PEX5L: variants seen among roughly 807,000 people sequenced by gnomAD.
PEX5L encodes the protein PEX5-related protein.
In PEX5L, 30 loss-of-function variants were observed where a neutral mutation model predicts 84.0. The observed-to-expected ratio is 0.36, with a 90% CI of 0.27 to 0.48. The LOEUF (loss-of-function observed/expected upper bound fraction) is 0.48, where lower values mean the gene tolerates loss of function less well. PEX5L is among the 20% of genes least tolerant of loss of function. The pLI is 0.99. For missense variants in PEX5L, 533 were observed against 754.6 expected (o/e 0.71, Z 3.44); for synonymous variants, 270 against 283.1 (o/e 0.95, Z 0.46).
chr3:179,890,070 G>A (rs1349103529), intron 3 of PEX5L, among the ~76,000 whole-genome samples: 2 of 152,122 alleles, frequency 1.3e-5, no homozygotes, highest in African/African-American at 4.8e-5. Context: ...ATATGTAACA[G>A]TTTCCAAAGG....
At chr3:179,880,883 T>C (rs953463880) in intron 4 of PEX5L, 3 of 152,228 alleles carry the variant, frequency 2.0e-5, no homozygotes, top group Non-Finnish European at 4.4e-5. Flanking sequence ...TTCCTTCTTT[T>C]ACAGTGCACG....
intron 8 of PEX5L, among the ~76,000 whole-genome samples, chr3:179,824,441 C>G (rs1163234952): frequency 6.6e-6 from 1 of 152,130 alleles, no homozygotes; most frequent in Non-Finnish European, 1.5e-5. Context: ...TGTGGTGGCT[C>G]ACGCCTGTAA....
At chr3:179,807,580 C>T (rs1348548163) in intron 14 of PEX5L, 94 bp downstream of exon 14, 5 of 1,219,770 alleles carry the variant, frequency 4.1e-6, no homozygotes, top group African/African-American at 1.5e-5. Context: ...ATACTCCTAC[C>T]AAGGCAGGCA....
chr3:179,807,579 C>T, intron 14 of PEX5L, 95 bp downstream of exon 14: 1 of 1,214,540 alleles, frequency 8.2e-7, no homozygotes, highest in Non-Finnish European at 1.2e-6. Flanking sequence ...AATACTCCTA[C>T]CAAGGCAGGC....
chr3:179,866,474 T>C (rs1748201168), intron 7 of PEX5L, among the ~76,000 whole-genome samples: 1 of 152,196 alleles, frequency 6.6e-6, no homozygotes, highest in South Asian at 2.1e-4. Flanking sequence ...CGGTCACATG[T>C]TGAGTCCCTA....
chr3:179,811,988 G>C (rs1724076273), intron 10 of PEX5L, 117 bp from the exon 11 acceptor site: 3 of 782,588 alleles, frequency 3.8e-6, no homozygotes, highest in Non-Finnish European at 6.8e-6. Context: ...TCATATGTGA[G>C]CGCTATATAA....
At chr3:179,931,289 AC>A (rs1773039357) in intron 2 of PEX5L, among the ~76,000 whole-genome samples, 1 of 152,146 alleles carries the variant, frequency 6.6e-6, no homozygotes, top group Admixed American at 6.5e-5. Context: ...GATCATCATC[AC>A]ATCTCAGGAG....
chr3:179,956,848 T>C lies in PEX5L; in HGVS notation c.93+14746A>G, dbSNP rs976724497. Among the ~76,000 whole-genome samples the C allele has an allele frequency of 5.9e-5, 9 of 152,328 alleles. No individual in the cohort carries two copies. The South Asian group carries it at 1.7e-3, about 28-fold the overall frequency. On this transcript the variant is annotated intron_variant, in intron 2 of 14. Transcript: ENST00000467460. ...ACACTGCAAATTCCCACAAACATCA[T>C]GCAGAATTCACGGTAAGTCAGTACG...
chr3:180,035,024 T>C (rs1339155471), intron 1 of PEX5L, among the ~76,000 whole-genome samples: 2 of 152,216 alleles, frequency 1.3e-5, no homozygotes, highest in South Asian at 2.1e-4. Flanking sequence ...CACAGTAACA[T>C]ATTTTTTAAG....
intron 9 of PEX5L, among the ~76,000 whole-genome samples, 156 bp downstream of exon 9, chr3:179,819,702 TTG>T (rs1358412714): frequency 6.6e-6 from 1 of 152,236 alleles, no homozygotes; most frequent in Admixed American, 6.5e-5. Flanking sequence ...GATAATTACG[TTG>T]TCTCATTCTA....
chr3:179,874,300 T>C (rs1401300353), intron 7 of PEX5L, 27 bp downstream of exon 7: 1 of 1,238,294 alleles, frequency 8.1e-7, no homozygotes, highest in South Asian at 1.2e-5. Context: ...GGGAAAGATG[T>C]GTTCATTGAA....
intron 1 of PEX5L, among the ~76,000 whole-genome samples, chr3:180,005,094 T>C (rs1788757076): frequency 6.6e-6 from 1 of 152,160 alleles, no homozygotes. Flanking sequence ...TTTTTTCTTA[T>C]AACATATAGC....
Position 179,824,221 on chromosome 3 carries a change from GT to G in PEX5L, c.823-4246del, listed in dbSNP as rs756713385. Among the ~76,000 whole-genome samples, 7 of 152,288 alleles carry G rather than the reference GT, an allele frequency of 4.6e-5. No individual in the cohort carries two copies. The East Asian group carries it at 1.3e-3, about 29-fold the overall frequency. ...TTTGATTTTGTGGTCAAATGTAATT[GT>G]CAGTTAGAAAGATCCTGGGGTTGTG... On this transcript the variant is annotated intron_variant, in intron 8 of 14. Coordinates refer to ENST00000467460, the MANE Select transcript of PEX5L (RefSeq NM_016559.3).
intron 2 of PEX5L, among the ~76,000 whole-genome samples, chr3:179,944,005 C>A (rs527550052): frequency 6.6e-6 from 1 of 151,548 alleles, no homozygotes; most frequent in South Asian, 2.1e-4. Context: ...TGCCCTCCCC[C>A]CCCCAAAAAA....
chr3:179,959,856 A>G (rs1307276569), intron 2 of PEX5L, among the ~76,000 whole-genome samples: 1 of 152,160 alleles, frequency 6.6e-6, no homozygotes, highest in East Asian at 1.9e-4. Flanking sequence ...ATAAGGACAA[A>G]TTATTTTTTA....
chr3:179,824,882 G>A (rs1298594118), intron 8 of PEX5L, among the ~76,000 whole-genome samples: 1 of 152,166 alleles, frequency 6.6e-6, no homozygotes, highest in African/African-American at 2.4e-5. Flanking sequence ...GCTGGCCAAC[G>A]GTAACTGAGT....
chr3:179,991,375 C>T (rs571906970), intron 1 of PEX5L, among the ~76,000 whole-genome samples: 8 of 152,298 alleles, frequency 5.3e-5, no homozygotes, highest in African/African-American at 1.9e-4. Context: ...TTTATAATAG[C>T]TGGATCCTCA....
At chr3:179,844,734 G>A (rs1009330940) in intron 8 of PEX5L, among the ~76,000 whole-genome samples, 1 of 152,160 alleles carries the variant, frequency 6.6e-6, no homozygotes, top group Non-Finnish European at 1.5e-5. Context: ...GGAGGCTGAG[G>A]CAGGAGAATG....
intron 3 of PEX5L, among the ~76,000 whole-genome samples, chr3:179,895,855 T>C (rs1044677036): frequency 1.3e-5 from 2 of 152,264 alleles, no homozygotes; most frequent in Admixed American, 1.3e-4. Flanking sequence ...ACATTATTTA[T>C]AGAGTAGTAA....
Sources: allele counts gnomAD v4.1 joint callset (sites outside exome capture counted in the v4.1 genomes callset), GRCh38; gene constraint gnomAD v4.1.1; transcripts MANE v1.5; gene names NCBI Gene and HGNC (gene_info 2026-07-23, HGNC 2026-07-21).